The following RIMS2 variants were observed in gnomAD, a reference collection of about 807,000 sequenced individuals.
RIMS2 encodes the protein regulating synaptic membrane exocytosis 2.
In RIMS2, 59 loss-of-function variants were observed where a neutral mutation model predicts 174.4. That is an observed-to-expected ratio of 0.34 (90% CI 0.27 to 0.42). The LOEUF (loss-of-function observed/expected upper bound fraction) is 0.42. RIMS2 is among the 10% of genes least tolerant of loss of function. The pLI, the probability that RIMS2 is intolerant of heterozygous loss-of-function variation, is 1.00. For missense variants in RIMS2, 1,620 were observed against 1,666.3 expected (o/e 0.97, Z 0.48); for synonymous variants, 606 against 572.5 (o/e 1.06, Z -0.84).
chr8:103,614,339 G>A (rs2134328185), intron 1 of RIMS2, among the ~76,000 whole-genome samples: 1 of 152,364 alleles, frequency 6.6e-6, no homozygotes, highest in Non-Finnish European at 1.5e-5. Context: ...TCTGTGTAAT[G>A]TCCCCCAGTC....
intron 17 of RIMS2, among the ~76,000 whole-genome samples, chr8:104,013,036 A>G (rs2095809004): frequency 6.6e-6 from 1 of 152,152 alleles, no homozygotes; most frequent in South Asian, 2.1e-4. Flanking sequence ...TTGGTATAGT[A>G]CTAAACAGCT....
chr8:103,629,730 C>T (rs1305466424), intron 1 of RIMS2, among the ~76,000 whole-genome samples: 1 of 151,878 alleles, frequency 6.6e-6, no homozygotes, highest in Admixed American at 6.6e-5. Flanking sequence ...AAGGCTATCA[C>T]TTTAGAAGTA....
At chr8:103,868,835 A>G (rs532809843) in intron 3 of RIMS2, among the ~76,000 whole-genome samples, 1 of 152,296 alleles carries the variant, frequency 6.6e-6, no homozygotes, top group African/African-American at 2.4e-5. Flanking sequence ...ATAAATAGCT[A>G]CAAATGTAGT....
chr8:103,793,222 G>C (rs995176181), intron 3 of RIMS2, among the ~76,000 whole-genome samples: 18 of 152,268 alleles, frequency 1.2e-4, no homozygotes, highest in African/African-American at 4.3e-4. Flanking sequence ...ACATCTAAAA[G>C]CTTATCCACT....
chr8:104,058,004 T>C (rs2096904725), intron 19 of RIMS2, among the ~76,000 whole-genome samples: 1 of 152,144 alleles, frequency 6.6e-6, no homozygotes, highest in Non-Finnish European at 1.5e-5. Flanking sequence ...ATCTTTGCTA[T>C]TGTGAATGGT....
intron 19 of RIMS2, 67 bp from the exon 25 acceptor site, chr8:104,148,540 T>C (rs1002478755): frequency 7.2e-7 from 1 of 1,395,258 alleles, no homozygotes; most frequent in Non-Finnish European, 9.6e-7. Context: ...ATGTTTTATC[T>C]AAAATGCATT....
At position 103,706,015 on chromosome 8, in the gene RIMS2, AT is replaced by A. The variant is rs200009286; in HGVS notation, c.387+8728del. Among the ~76,000 whole-genome samples the A allele has an allele frequency of 2.3e-4, 35 of 148,942 alleles. 1 individual carries two copies. Among genetic ancestry groups the A allele is most frequent in the Non-Finnish European group, 3.3e-4 (22 of 66,932 alleles). On this transcript the variant is annotated intron_variant, in intron 2 of 23. Coordinates refer to ENST00000504942, the Ensembl canonical transcript of RIMS2. The stretch of plus-strand genomic sequence containing the variant: ...TACTGTCTTCTTTTGTGGATAAGTC[AT>A]TTTTTTTTCCTGGTATTATATTTTA...
chr8:104,026,012 A>G (rs550826924), intron 19 of RIMS2, among the ~76,000 whole-genome samples: 92 of 152,260 alleles, frequency 6.0e-4, no homozygotes, highest in South Asian at 1.5e-3. Context: ...TCTTTGCACA[A>G]TGACGAAATC....
At chr8:104,145,975 AAC>A (rs1277650281) in intron 19 of RIMS2, among the ~76,000 whole-genome samples, 1 of 151,982 alleles carries the variant, frequency 6.6e-6, no homozygotes, top group African/African-American at 2.4e-5. Context: ...CTCTCATCAA[AAC>A]ACACCACTCT....
At chr8:103,803,364 C>G (rs2098628601) in intron 3 of RIMS2, among the ~76,000 whole-genome samples, 1 of 152,066 alleles carries the variant, frequency 6.6e-6, no homozygotes, top group South Asian at 2.1e-4. Flanking sequence ...GGTTCTCAAA[C>G]TTTTTGGTCT....
At chr8:103,994,619 G>C (rs541251520) in intron 17 of RIMS2, among the ~76,000 whole-genome samples, 59 of 152,234 alleles carry the variant, frequency 3.9e-4, no homozygotes, top group Non-Finnish European at 7.4e-4. Context: ...GTACCAAGTG[G>C]ATGCAGCAAA....
rs539191529 is a variant in RIMS2, at chr8:103,787,157, A to G, written c.698+20620A>G. Among the ~76,000 whole-genome samples, 794 of 146,036 alleles carry G rather than the reference A, an allele frequency of 5.4e-3. 7 individuals are homozygous for G. The highest frequency in any genetic ancestry group is 0.019 in the African/African-American group (750 of 39,186). On this transcript the variant is annotated intron_variant, in intron 3 of 23. Coordinates refer to ENST00000504942, the Ensembl canonical transcript of RIMS2. ...TCCTCCATCCTTTTATTTTGAGCCTATGTGTGTCTCTGCACATGAGATGGG... is the reference window on the plus strand; with the variant it reads ...TCCTCCATCCTTTTATTTTGAGCCTGTGTGTGTCTCTGCACATGAGATGGG...
chr8:104,004,180 C>T (rs73699050), intron 17 of RIMS2, among the ~76,000 whole-genome samples: 4,015 of 152,158 alleles, frequency 0.026, 198 homozygotes, highest in African/African-American at 0.091. Flanking sequence ...TTGAAGTTAC[C>T]TAAGCTACAG....
intron 19 of RIMS2, among the ~76,000 whole-genome samples, chr8:104,084,881 A>T (rs532784980): frequency 2.6e-5 from 4 of 152,190 alleles, no homozygotes; most frequent in Admixed American, 2.6e-4. Context: ...CTTGCCTAAG[A>T]TTGTGTAGCT....
chr8:103,883,219 T>C (rs1443056152), intron 3 of RIMS2, among the ~76,000 whole-genome samples: 2 of 151,774 alleles, frequency 1.3e-5, no homozygotes, highest in Non-Finnish European at 3.0e-5. Context: ...ACATGTAAAA[T>C]CTATGCCTCT....
At chr8:103,904,951 A>G (rs1229621233) in intron 4 of RIMS2, among the ~76,000 whole-genome samples, 3 of 152,164 alleles carry the variant, frequency 2.0e-5, no homozygotes, top group Admixed American at 1.3e-4. Flanking sequence ...AATATATTAC[A>G]TGTACACAAC....
intron 19 of RIMS2, among the ~76,000 whole-genome samples, chr8:104,069,347 G>A (rs1299835259): frequency 6.6e-6 from 1 of 151,998 alleles, no homozygotes; most frequent in Non-Finnish European, 1.5e-5. Context: ...ACATATTCAC[G>A]AAGTGCTGTT....
intron 19 of RIMS2, among the ~76,000 whole-genome samples, chr8:104,170,213 T>C (rs1353695454): frequency 6.6e-6 from 1 of 152,022 alleles, no homozygotes; most frequent in Non-Finnish European, 1.5e-5. Context: ...GTCCATTTTT[T>C]TGTTGTTGTT....
chr8:104,189,421 T>A (rs1423361959), intron 19 of RIMS2, among the ~76,000 whole-genome samples: 1 of 151,804 alleles, frequency 6.6e-6, no homozygotes, highest in African/African-American at 2.4e-5. Flanking sequence ...CTCACTTAGG[T>A]GTGTCCCTTC....
Sources: allele counts gnomAD v4.1 joint callset (sites outside exome capture counted in the v4.1 genomes callset), GRCh38; gene constraint gnomAD v4.1.1; transcripts MANE v1.5; gene names NCBI Gene and HGNC (gene_info 2026-07-23, HGNC 2026-07-21).